BAZ2B: variants seen among roughly 807,000 people sequenced by gnomAD.
The protein encoded by BAZ2B is bromodomain adjacent to zinc finger domain 2B, also known as bromodomain adjacent to zinc finger domain protein 2B.
In BAZ2B, 91 loss-of-function variants were observed where a neutral mutation model predicts 246.0. The ratio of observed to expected loss-of-function variants is 0.37; its 90% CI spans 0.31 to 0.44. The LOEUF (loss-of-function observed/expected upper bound fraction) is 0.44, where lower values mean the gene tolerates loss of function less well. Among genes scored for constraint, BAZ2B ranks in the 20% least tolerant of loss-of-function variants. The pLI, the probability that BAZ2B is intolerant of heterozygous loss-of-function variation, is 1.00. For synonymous variants in BAZ2B, 855 were observed against 860.0 expected (o/e 0.99, Z 0.10); for missense variants, 2,332 against 2,533.7 (o/e 0.92, Z 1.71).
intron 1 of BAZ2B, among the ~76,000 whole-genome samples, chr2:159,594,633 G>GTT (rs57735673): frequency 6.7e-6 from 1 of 148,444 alleles, no homozygotes; most frequent in Non-Finnish European, 1.5e-5. Context: ...TATTTTGACA[G>GTT]TTTTTTTTTT....
Position 159,337,626 on chromosome 2 carries a change from G to A in BAZ2B, c.5601C>T (p.Asp1867=). The A allele has an allele frequency of 1.2e-6, 2 of 1,614,234 alleles. No individual in the cohort carries two copies. The highest frequency in any genetic ancestry group is 2.2e-5 in the South Asian group (2 of 91,090). The change falls in exon 32 of 37, where the codon GAC becomes GAT. Residue 1867 remains aspartate (D), a synonymous_variant. Coordinates refer to ENST00000392783, the MANE Select transcript of BAZ2B (RefSeq NM_013450.4). ...SSAHALERKS[D]NPLDIAVTRL... is the part of the protein sequence containing the mutation. ...TGGTTACAGCTATATCTAGGGGGTT[G>A]TCACTCTTCCGTTCTAGTGCATGTG...
chr2:159,659,050 A>G, the BAZ2B span, among the ~76,000 whole-genome samples: 6 of 152,212 alleles, frequency 3.9e-5, no homozygotes, highest in Admixed American at 3.9e-4. Context: ...GGGTACTAGA[A>G]TAATTCCAGC....
chr2:159,688,241 T>C, the BAZ2B span, among the ~76,000 whole-genome samples: 2 of 152,026 alleles, frequency 1.3e-5, no homozygotes, highest in Non-Finnish European at 2.9e-5. Flanking sequence ...GAGGTCTTGT[T>C]ATGTTGTCCA....
At chr2:159,509,053 T>C (rs2082635142) in intron 2 of BAZ2B, among the ~76,000 whole-genome samples, 1 of 152,200 alleles carries the variant, frequency 6.6e-6, no homozygotes, top group Admixed American at 6.5e-5. Flanking sequence ...GTTCTCCTAA[T>C]CCATATTGAA....
At chr2:159,360,358 C>T (rs1576064801) in intron 27 of BAZ2B, among the ~76,000 whole-genome samples, 1 of 152,062 alleles carries the variant, frequency 6.6e-6, no homozygotes, top group African/African-American at 2.4e-5. Context: ...TTCACAATTG[C>T]TACAAAGAAA....
chr2:159,565,604 C>G (rs188907836), intron 1 of BAZ2B, among the ~76,000 whole-genome samples: 3 of 152,064 alleles, frequency 2.0e-5, no homozygotes, highest in Admixed American at 6.6e-5. Flanking sequence ...TGGTGAAACC[C>G]TGTCTTTACA....
At chr2:159,401,779 T>A (rs909874733) in intron 16 of BAZ2B, among the ~76,000 whole-genome samples, 1 of 152,198 alleles carries the variant, frequency 6.6e-6, no homozygotes, top group Non-Finnish European at 1.5e-5. Flanking sequence ...AAACACATTC[T>A]TAGCAATTTC....
intron 2 of BAZ2B, among the ~76,000 whole-genome samples, chr2:159,500,046 CT>C (rs1407661353): frequency 2.6e-5 from 4 of 152,156 alleles, no homozygotes; most frequent in African/African-American, 7.2e-5. Flanking sequence ...TCAGTATTTG[CT>C]TTTGTTGCAA....
At chr2:159,472,888 A>G (rs2077994012) in intron 3 of BAZ2B, among the ~76,000 whole-genome samples, 1 of 152,208 alleles carries the variant, frequency 6.6e-6, no homozygotes, top group Non-Finnish European at 1.5e-5. Context: ...TCGATTTGTC[A>G]GTATTTTATT....
At chr2:159,349,687 G>A (rs2149142120) in intron 28 of BAZ2B, 21 bp downstream of exon 28, 3 of 1,576,532 alleles carry the variant, frequency 1.9e-6, no homozygotes, top group Middle Eastern at 1.7e-4. Context: ...ATAAAAATGA[G>A]TTACAGTTAG....
At chr2:159,558,350 A>G (rs1286849659) in intron 1 of BAZ2B, among the ~76,000 whole-genome samples, 3 of 152,082 alleles carry the variant, frequency 2.0e-5, no homozygotes, top group South Asian at 4.1e-4. Context: ...TCCACCTCCC[A>G]GGTTCAAGCA....
At chr2:159,341,213 GA>G (rs1174552223) in intron 31 of BAZ2B, among the ~76,000 whole-genome samples, 1 of 151,378 alleles carries the variant, frequency 6.6e-6, no homozygotes, top group Non-Finnish European at 1.5e-5. Context: ...AAGTGAAGAG[GA>G]ATAGTTATAC....
Position 159,349,944 on chromosome 2 carries a change from G to T in BAZ2B, c.4627C>A (p.Leu1543Ile). Residue 1543 changes from leucine (L) to isoleucine (I), a missense_variant, in exon 28 of 37, where the codon CTC (leucine) becomes ATC (isoleucine). Leu to Ile is a conservative substitution (Grantham distance 5, BLOSUM62 2). Around this residue, in one of 9 missense-constraint regions of BAZ2B, gnomAD observed 676 missense variants for 668.6 expected, o/e 1.01. Transcript: ENST00000392783. ...SSGPGKFYSP[L>I]PNDQLLKTLT... ...GTTTTTAGTAACTGGTCATTGGGGA[G>T]AGGACTGTAGAACTTCCCTGGACCA... is the stretch of plus-strand genomic sequence containing the variant. 1 of 1,614,158 alleles carries T rather than the reference G, an allele frequency of 6.2e-7. No individual in the cohort carries two copies. Among genetic ancestry groups the T allele is most frequent in the South Asian group, 1.1e-5 (1 of 91,080 alleles).
chr2:159,479,371 A>T (rs1333651411), intron 2 of BAZ2B, among the ~76,000 whole-genome samples: 1 of 152,186 alleles, frequency 6.6e-6, no homozygotes, highest in Non-Finnish European at 1.5e-5. Flanking sequence ...CATTGGTTTT[A>T]TTGCAATAAC....
At chr2:159,630,444 A>C in the BAZ2B span, among the ~76,000 whole-genome samples, 1 of 152,358 alleles carries the variant, frequency 6.6e-6, no homozygotes, top group East Asian at 1.9e-4. Flanking sequence ...ACTTTAAAAC[A>C]CAACAACTAA....
At chr2:159,695,346 G>C in the BAZ2B span, 2 of 151,402 alleles carry the variant, frequency 1.3e-5, no homozygotes, top group South Asian at 4.2e-4. Context: ...GAAGCAAAAG[G>C]TTTTTGTTTG....
At position 159,468,797 on chromosome 2, in the gene BAZ2B, C is replaced by T. The variant is rs149384364; in HGVS notation, c.145+9778G>A. On this transcript the variant is annotated intron_variant, in intron 3 of 36. Coordinates refer to ENST00000392783, the MANE Select transcript of BAZ2B (RefSeq NM_013450.4). ...CGGTGGCTAACGCCTGTAATCCCAA[C>T]ACTTTGGGAGGCCGAGGCGGGTGGT... 4.2e-3 allele frequency among the ~76,000 whole-genome samples: 645 copies of T among 152,260 alleles called. 1 individual carries two copies. The highest frequency in any genetic ancestry group is 7.5e-3 in the Non-Finnish European group (510 of 68,026).
rs961490415 is a variant in BAZ2B, at chr2:159,568,372, G to A, written c.-45-12507C>T. 5.9e-5 allele frequency among the ~76,000 whole-genome samples: 9 copies of A among 151,968 alleles called. No homozygotes were observed. The South Asian group carries it at 1.7e-3, about 28-fold the overall frequency. On this transcript the variant is annotated intron_variant, in intron 1 of 36. Coordinates refer to ENST00000392783, the MANE Select transcript of BAZ2B (RefSeq NM_013450.4). ...TATGAAAATCAATAGATTATAGCTT[G>A]AAAAAGAAAAAGCATGTAATTTTTT...
In BAZ2B at chr2:159,400,857, A is replaced by G. The variant is rs143512336; in HGVS notation, c.2833-193T>C. ...AGATCGAGACCATCCTGGCTAACAC[A>G]GTGAAACCTCGTCTCTACTAAAAAT... On this transcript the variant is annotated intron_variant, in intron 16 of 36. Transcript: ENST00000392783. Among the ~76,000 whole-genome samples, 957 of 152,124 alleles carry G rather than the reference A, an allele frequency of 6.3e-3. 43 individuals carry two copies. In the East Asian group the frequency reaches 0.1, roughly 16 times the overall value.
Sources: gnomAD v4.1 joint callset for allele counts (sites outside exome capture counted in the v4.1 genomes callset) on GRCh38, gnomAD v4.1.1 for gene constraint, gnomAD v4.1.1 regional missense constraint, MANE v1.5 for transcripts, NCBI Gene and HGNC (gene_info 2026-07-23, HGNC 2026-07-21) for gene names.